The following TAOK1 variants were observed in gnomAD, a reference collection of about 807,000 sequenced individuals.
TAOK1 encodes TAO kinase 1.
TAOK1 carries 21 observed loss-of-function variants against 138.3 expected under a neutral mutation model. That is an observed-to-expected ratio of 0.15 (90% confidence interval 0.11 to 0.22). The LOEUF (loss-of-function observed/expected upper bound fraction) is 0.22, where lower values mean the gene tolerates loss of function less well. TAOK1 is among the 10% of genes least tolerant of loss of function. The pLI, the probability that TAOK1 is intolerant of heterozygous loss-of-function variation, is 1.00. For synonymous variants in TAOK1, 361 were observed against 398.4 expected (o/e 0.91, Z 1.12); for missense variants, 651 against 1,227.7 (o/e 0.53, Z 7.02).
rs1282423522 is a variant in TAOK1, at chr17:29,548,578, G to T, written c.*5556G>T. ...TGTCATGAAAAAGTGGAGAGAAGATGAGACTTTTGAATGAATGAAAAAGGG... is the reference window on the plus strand; with the variant it reads ...TGTCATGAAAAAGTGGAGAGAAGATTAGACTTTTGAATGAATGAAAAAGGG... On this transcript the variant is annotated 3_prime_UTR_variant, in exon 20 of 20. Coordinates refer to ENST00000261716, the MANE Select transcript of TAOK1 (RefSeq NM_020791.4). 6.6e-6 allele frequency: 1 copy of T among 152,004 alleles called. No homozygotes were observed. Among genetic ancestry groups the T allele is most frequent in the African/African-American group, 2.4e-5 (1 of 41,394 alleles). 9.4% of individuals were successfully genotyped at this position (152,004 alleles called of 1,614,324 possible).
intron 15 of TAOK1, chr17:29,511,223 T>C (rs1006944194): frequency 9.0e-5 from 21 of 232,686 alleles, no homozygotes; most frequent in East Asian, 4.3e-4. Flanking sequence ...TTTTATGTTT[T>C]TATTTTATAT....
intron 8 of TAOK1, among the ~76,000 whole-genome samples, chr17:29,486,403 C>A (rs772853695): frequency 3.9e-5 from 6 of 151,966 alleles, no homozygotes; most frequent in Non-Finnish European, 7.4e-5. Context: ...GAGGCCAAGG[C>A]GGGCAAATCA....
At chr17:29,531,689 G>C (rs550332897) in intron 18 of TAOK1, among the ~76,000 whole-genome samples, 2 of 151,418 alleles carry the variant, frequency 1.3e-5, no homozygotes, top group Admixed American at 6.6e-5. Flanking sequence ...CCTGAACCCC[G>C]GGGGCAGAGG....
chr17:29,521,001 G>A (rs1464344867), intron 16 of TAOK1, among the ~76,000 whole-genome samples: 29 of 151,906 alleles, frequency 1.9e-4, no homozygotes, highest in Admixed American at 1.9e-3. Flanking sequence ...CTCCAAGCCT[G>A]GTCGACAGAG....
In TAOK1 at chr17:29,522,295, CA is replaced by C; in HGVS notation, c.1925del (p.Gln642ArgfsTer6). On this transcript the variant is annotated frameshift_variant, in exon 17 of 20. Coordinates refer to ENST00000261716, the MANE Select transcript of TAOK1 (RefSeq NM_020791.4). LOFTEE classifies it high-confidence loss of function. ...DLVREELNKR[Q>X]TQKDLEHAML... is the part of the protein sequence containing the mutation. ...TATGGATTAGGAGTTAAACAAAAGA[CA>C]GACTCAGAAGGACTTAGAGCATGCC... 1 of 1,614,086 alleles carries C rather than the reference CA, an allele frequency of 6.2e-7. No individual in the cohort carries two copies. The highest frequency in any genetic ancestry group is 8.5e-7 in the Non-Finnish European group (1 of 1,179,996).
intron 1 of TAOK1, among the ~76,000 whole-genome samples, chr17:29,447,222 G>A (rs1206521546): frequency 1.3e-5 from 2 of 151,620 alleles, no homozygotes; most frequent in African/African-American, 2.4e-5. Context: ...GGCTTCCCCC[G>A]TTTTTAGTAA....
intron 3 of TAOK1, among the ~76,000 whole-genome samples, chr17:29,470,388 C>T (rs1389839874): frequency 6.6e-6 from 1 of 152,030 alleles, no homozygotes; most frequent in African/African-American, 2.4e-5. Flanking sequence ...GCTAATTATT[C>T]ACTAGCATTT....
intron 18 of TAOK1, among the ~76,000 whole-genome samples, chr17:29,531,592 G>A (rs570968085): frequency 1.3e-5 from 2 of 151,894 alleles, no homozygotes; most frequent in South Asian, 2.1e-4. Flanking sequence ...GCGAAACCTC[G>A]TCTCTACTAA....
chr17:29,489,823 A>T, intron 9 of TAOK1, 66 bp downstream of exon 9: 1 of 1,184,042 alleles, frequency 8.4e-7, no homozygotes, highest in Non-Finnish European at 1.2e-6. Context: ...ATAATCTGTT[A>T]TCAAAGTGAT....
Position 29,543,594 on chromosome 17 carries a change from A to G in TAOK1, c.*572A>G, listed in dbSNP as rs759369805. ...GACTTCTCAGCCTCATTTGGACTAA[A>G]AAAAGAAAGCAGAAATCCATGAACA... is the stretch of plus-strand genomic sequence containing the variant. On this transcript the variant is annotated 3_prime_UTR_variant, in exon 20 of 20. Coordinates refer to ENST00000261716, the MANE Select transcript of TAOK1 (RefSeq NM_020791.4). 2 of 152,668 alleles carry G rather than the reference A, an allele frequency of 1.3e-5. No homozygotes were observed. Among genetic ancestry groups the G allele is most frequent in the Non-Finnish European group, 2.9e-5 (2 of 68,046 alleles). 9.5% of individuals were successfully genotyped at this position (152,668 alleles called of 1,614,324 possible). A position where few individuals can be genotyped will look rare whatever the true frequency, so the allele number is the denominator to read the frequency against.
intron 11 of TAOK1, among the ~76,000 whole-genome samples, chr17:29,496,109 G>A (rs1285518172): frequency 6.6e-6 from 1 of 151,298 alleles, no homozygotes; most frequent in African/African-American, 2.4e-5. Context: ...TAATTTTTTT[G>A]TTTATTTTGA....
Position 29,545,631 on chromosome 17 carries a change from A to T in TAOK1, c.*2609A>T, listed in dbSNP as rs16965099. 6.6e-6 allele frequency: 1 copy of T among 152,142 alleles called. No homozygotes were observed. Among genetic ancestry groups the T allele is most frequent in the South Asian group, 2.1e-4 (1 of 4,834 alleles). The allele number at this position is 152,142 out of a possible 1,614,324, so 9.4% of individuals were successfully genotyped here. ...TATACAGTTTGCAAAAAATGATTCA[A>T]ATTAATTGGTTTGTATATGTTTGTG... On this transcript the variant is annotated 3_prime_UTR_variant, in exon 20 of 20. Coordinates refer to ENST00000261716, the MANE Select transcript of TAOK1 (RefSeq NM_020791.4).
intron 1 of TAOK1, among the ~76,000 whole-genome samples, chr17:29,419,392 C>T (rs1905358178): frequency 6.6e-6 from 1 of 151,870 alleles, no homozygotes; most frequent in African/African-American, 2.4e-5. Context: ...GACGGGGTTT[C>T]TCCTTGTTGG....
rs560614850 is a variant in TAOK1 at position 29,443,842 on chromosome 17, A to C, written c.-94-7613A>C. Among the ~76,000 whole-genome samples, 18 of 152,314 alleles carry C rather than the reference A, an allele frequency of 1.2e-4. No homozygotes were observed. The East Asian group carries it at 3.5e-3, about 29-fold the overall frequency. The stretch of plus-strand genomic sequence containing the variant: ...TTTTTAAACCTGATCTAGGCTGGGC[A>C]TGGTGGCTCACACCGTGAGCCCAGC... On this transcript the variant is annotated intron_variant, in intron 1 of 19. Coordinates refer to ENST00000261716, the MANE Select transcript of TAOK1 (RefSeq NM_020791.4).
chr17:29,521,404 G>T (rs2031914775), intron 16 of TAOK1, among the ~76,000 whole-genome samples: 1 of 152,164 alleles, frequency 6.6e-6, no homozygotes, highest in South Asian at 2.1e-4. Context: ...ATTATTCTGA[G>T]AACTTTTTGT....
At chr17:29,408,621 A>C (rs1567709945) in intron 1 of TAOK1, among the ~76,000 whole-genome samples, 1 of 151,434 alleles carries the variant, frequency 6.6e-6, no homozygotes, top group Non-Finnish European at 1.5e-5. Context: ...TTAATAATAG[A>C]GTAATTTTTA....
Position 29,419,431 on chromosome 17 carries a change from A to G in TAOK1, c.-95+28407A>G, listed in dbSNP as rs191728527. 4.8e-3 allele frequency among the ~76,000 whole-genome samples: 722 copies of G among 151,424 alleles called. 5 individuals carry two copies. The highest frequency in any genetic ancestry group is 0.012 in the South Asian group (55 of 4,774). ...GGCTGGTCTCGAACTCCCGACATCA[A>G]TTGATCCACCCGCCTCGGCCTCCCA... On this transcript the variant is annotated intron_variant, in intron 1 of 19. Coordinates refer to ENST00000261716, the MANE Select transcript of TAOK1 (RefSeq NM_020791.4).
At position 29,542,763 on chromosome 17, in the gene TAOK1, G is replaced by C. The variant is rs746567737; in HGVS notation, c.2747G>C (p.Gly916Ala). 1 of 1,614,170 alleles carries C rather than the reference G, an allele frequency of 6.2e-7. No individual in the cohort carries two copies. The highest frequency in any genetic ancestry group is 2.2e-5 in the East Asian group (1 of 44,872). ...TCTGGTTGGTCACACAACCCTACTG[G>C]GGGTCCAGGACCTCACTGGGGTCAT... is the stretch of plus-strand genomic sequence containing the variant. ...GASGWSHNPT[G>A]GPGPHWGHPM... Residue 916 changes from glycine to alanine, a missense_variant, in exon 20 of 20, where the codon GGG (glycine) becomes GCG (alanine). By Grantham distance (60) the Gly-to-Ala change is moderately conservative (BLOSUM62 0). Coordinates refer to ENST00000261716, the MANE Select transcript of TAOK1 (RefSeq NM_020791.4).
intron 1 of TAOK1, among the ~76,000 whole-genome samples, chr17:29,426,288 A>G (rs1013922564): frequency 2.0e-5 from 3 of 152,226 alleles, no homozygotes; most frequent in African/African-American, 7.2e-5. Flanking sequence ...CTGTGTCTGC[A>G]GAGAGCGTAT....
Sources: gnomAD v4.1 joint callset for allele counts (sites outside exome capture counted in the v4.1 genomes callset) on GRCh38, gnomAD v4.1.1 for gene constraint, MANE v1.5 for transcripts, NCBI Gene and HGNC (gene_info 2026-07-23, HGNC 2026-07-21) for gene names.